Variants in ITPK1 observed in about 807,000 individuals in gnomAD.
The protein encoded by ITPK1 is inositol-tetrakisphosphate 1-kinase.
ITPK1 carries 21 observed loss-of-function variants against 45.3 expected under a neutral mutation model. The observed-to-expected ratio is 0.46, with a 90% CI of 0.33 to 0.67. ITPK1 has a LOEUF of 0.67. Among genes scored for constraint, ITPK1 ranks in the 30% least tolerant of loss-of-function variants. ITPK1 has a pLI of 0.02. For missense variants in ITPK1, 474 were observed against 573.5 expected (o/e 0.83, Z 1.77); for synonymous variants, 258 against 253.6 (o/e 1.02, Z -0.16).
intron 3 of ITPK1, among the ~76,000 whole-genome samples, chr14:93,056,442 C>T (rs1228296833): frequency 2.0e-5 from 3 of 152,178 alleles, no homozygotes; most frequent in Non-Finnish European, 2.9e-5. Context: ...TTTTCATGGG[C>T]GCCCCATCAG....
intron 5 of ITPK1, among the ~76,000 whole-genome samples, chr14:92,992,900 G>A (rs936116457): frequency 1.3e-5 from 2 of 152,240 alleles, no homozygotes; most frequent in Non-Finnish European, 2.9e-5. Context: ...CCAAAAGGGA[G>A]AATACAAGGA....
chr14:93,070,823 C>G (rs2139972301), intron 3 of ITPK1: 1 of 153,878 alleles, frequency 6.5e-6, no homozygotes, highest in African/African-American at 2.4e-5. Context: ...GTCGGGGAAA[C>G]TGCTGCATGT....
At chr14:93,024,565 C>T (rs890736545) in intron 3 of ITPK1, among the ~76,000 whole-genome samples, 37 of 152,202 alleles carry the variant, frequency 2.4e-4, no homozygotes, top group Non-Finnish European at 5.9e-5. Context: ...CTGGCCTCAG[C>T]GGAGGCCTTT....
At chr14:92,998,814 C>T (rs574252414) in intron 4 of ITPK1, 11 of 151,906 alleles carry the variant, frequency 7.2e-5, no homozygotes, top group South Asian at 2.1e-4. Context: ...GGAAAGACAA[C>T]GAGAGATTAA....
chr14:93,073,688 C>G (rs1314958991), intron 3 of ITPK1, among the ~76,000 whole-genome samples: 1 of 152,126 alleles, frequency 6.6e-6, no homozygotes, highest in African/African-American at 2.4e-5. Context: ...AAATGGAGAA[C>G]CTATGAACAT....
At chr14:93,086,580 G>A (rs561908716) in intron 2 of ITPK1, among the ~76,000 whole-genome samples, 1 of 152,242 alleles carries the variant, frequency 6.6e-6, no homozygotes, top group Non-Finnish European at 1.5e-5. Flanking sequence ...GCTGCCACAG[G>A]GCAGACCAGT....
chr14:93,066,199 G>A (rs749508812), intron 3 of ITPK1: 8 of 454,554 alleles, frequency 1.8e-5, no homozygotes, highest in East Asian at 6.9e-5. Context: ...TAGACACAGC[G>A]CACATCAGGG....
At chr14:93,011,680 G>T (rs534449936) in intron 4 of ITPK1, among the ~76,000 whole-genome samples, 1 of 152,154 alleles carries the variant, frequency 6.6e-6, no homozygotes, top group Non-Finnish European at 1.5e-5. Flanking sequence ...AGGACCACAT[G>T]CAGGGGCACC....
intron 3 of ITPK1, among the ~76,000 whole-genome samples, chr14:93,058,099 TG>T (rs908150501): frequency 1.3e-5 from 2 of 152,100 alleles, no homozygotes; most frequent in Non-Finnish European, 2.9e-5. Flanking sequence ...CACTGGGGCC[TG>T]GGTGAGCACC....
chr14:92,991,649 G>A (rs1299718777), intron 5 of ITPK1, among the ~76,000 whole-genome samples: 2 of 152,198 alleles, frequency 1.3e-5, no homozygotes, highest in African/African-American at 2.4e-5. Flanking sequence ...AGGCGAGCGG[G>A]CAACAGAGGT....
intron 2 of ITPK1, among the ~76,000 whole-genome samples, chr14:93,106,299 C>T (rs1025695966): frequency 3.3e-5 from 5 of 152,116 alleles, no homozygotes; most frequent in African/African-American, 9.7e-5. Context: ...CAGCCTCCCT[C>T]GGATGGGAGG....
chr14:92,957,254 G>T (rs1884788041), intron 8 of ITPK1, among the ~76,000 whole-genome samples: 1 of 152,244 alleles, frequency 6.6e-6, no homozygotes, highest in Non-Finnish European at 1.5e-5. Context: ...TCCCCTTGCT[G>T]AAAGAAATGT....
chr14:92,968,105 C>T (rs1241473093), intron 5 of ITPK1, among the ~76,000 whole-genome samples: 2 of 151,998 alleles, frequency 1.3e-5, no homozygotes, highest in East Asian at 1.9e-4. Context: ...CGAGGTGGGC[C>T]GATCACCTGA....
At chr14:92,953,113 G>A (rs1436604638) in intron 8 of ITPK1, among the ~76,000 whole-genome samples, 1 of 152,270 alleles carries the variant, frequency 6.6e-6, no homozygotes, top group Non-Finnish European at 1.5e-5. Flanking sequence ...GCTGCGTGCT[G>A]GGGGCCATGC....
At chr14:93,003,322 A>G (rs1180139880) in intron 4 of ITPK1, among the ~76,000 whole-genome samples, 3 of 152,234 alleles carry the variant, frequency 2.0e-5, no homozygotes, top group African/African-American at 7.2e-5. Context: ...GACCACTGCA[A>G]CCGTGAAACC....
At chr14:92,973,620 G>C (rs1038445725) in intron 5 of ITPK1, among the ~76,000 whole-genome samples, 1 of 152,214 alleles carries the variant, frequency 6.6e-6, no homozygotes, top group Admixed American at 6.5e-5. Context: ...CTGTGCATCC[G>C]GGTGAACCAA....
chr14:93,004,553 CGT>C (rs979281074), intron 4 of ITPK1, among the ~76,000 whole-genome samples: 3 of 151,874 alleles, frequency 2.0e-5, no homozygotes, highest in Non-Finnish European at 4.4e-5. Context: ...TGAGTGAGTG[CGT>C]GTGTGTGTAT....
At position 93,099,280 on chromosome 14, in the gene ITPK1, G is replaced by C. The variant is rs534351681; in HGVS notation, c.95+15789C>G. The stretch of plus-strand genomic sequence containing the variant: ...AACCCCCAGCCACTAGTTCACAGCT[G>C]CTCCAGGCTCTCAGAATTCCCAGGA... On this transcript the variant is annotated intron_variant, in intron 2 of 10. Coordinates refer to ENST00000267615, the MANE Select transcript of ITPK1 (RefSeq NM_014216.6). 1.2e-4 allele frequency among the ~76,000 whole-genome samples: 19 copies of C among 152,218 alleles called. No homozygotes were observed. In the East Asian group the frequency reaches 3.7e-3, roughly 29 times the overall value.
chr14:93,115,853 A>T lies in ITPK1; in HGVS notation c.-224T>A, dbSNP rs1208886390. 7.2e-6 allele frequency: 1 copy of T among 138,012 alleles called. No homozygotes were observed. Among genetic ancestry groups the T allele is most frequent in the Non-Finnish European group, 1.6e-5 (1 of 62,866 alleles). 8.5% of individuals were successfully genotyped at this position (138,012 alleles called of 1,614,324 possible). A position where few individuals can be genotyped will look rare whatever the true frequency, so the allele number is the denominator to read the frequency against. ...GAAGGGCGGCGGCGAGCGCCCGCGCACTCGCCGCCCCTGCCCGCCGCCGCC... is the reference window on the plus strand; with the variant it reads ...GAAGGGCGGCGGCGAGCGCCCGCGCTCTCGCCGCCCCTGCCCGCCGCCGCC... On this transcript the variant is annotated 5_prime_UTR_variant, in exon 1 of 11. Coordinates refer to ENST00000267615, the MANE Select transcript of ITPK1 (RefSeq NM_014216.6).
Sources: allele counts gnomAD v4.1 joint callset (sites outside exome capture counted in the v4.1 genomes callset), GRCh38; gene constraint gnomAD v4.1.1; transcripts MANE v1.5; gene names NCBI Gene and HGNC (gene_info 2026-07-23, HGNC 2026-07-21).